The following GALNTL6 variants were observed in gnomAD, a reference collection of about 807,000 sequenced individuals.
The protein encoded by GALNTL6 is polypeptide N-acetylgalactosaminyltransferase like 6.
GALNTL6 carries 46 observed loss-of-function variants against 73.7 expected under a neutral mutation model. That is an observed-to-expected ratio of 0.62 (90% CI 0.49 to 0.80). GALNTL6 has a LOEUF of 0.80. GALNTL6 is among the 30% of genes least tolerant of loss of function. The pLI, the probability that GALNTL6 is intolerant of heterozygous loss-of-function variation, is 0.00. For synonymous variants in GALNTL6, 259 were observed against 263.7 expected, an observed-to-expected ratio of 0.98 and a Z score of 0.17; for missense variants, 604 against 755.0, an observed-to-expected ratio of 0.80 and a Z score of 2.34.
intron 2 of GALNTL6, among the ~76,000 whole-genome samples, chr4:171,913,216 C>T (rs1737523715): frequency 6.6e-6 from 1 of 152,112 alleles, no homozygotes; most frequent in Non-Finnish European, 1.5e-5. Flanking sequence ...TGGAACTGCT[C>T]AGTTGCATAA....
intron 5 of GALNTL6, among the ~76,000 whole-genome samples, chr4:172,357,513 C>G (rs1742200672): frequency 6.6e-6 from 1 of 152,002 alleles, no homozygotes; most frequent in Non-Finnish European, 1.5e-5. Flanking sequence ...AAATGTCCAG[C>G]ATTGGATTAG....
chr4:171,940,532 A>T (rs930944655), intron 2 of GALNTL6, among the ~76,000 whole-genome samples: 8 of 152,100 alleles, frequency 5.3e-5, no homozygotes, highest in African/African-American at 1.9e-4. Flanking sequence ...TTGAAAAAAG[A>T]GGTGAAGGGC....
intron 4 of GALNTL6, among the ~76,000 whole-genome samples, chr4:172,334,807 T>C (rs1741252657): frequency 6.6e-6 from 1 of 152,218 alleles, no homozygotes; most frequent in Non-Finnish European, 1.5e-5. Context: ...TTTCCTGTTC[T>C]TAAGAGGAAT....
At chr4:172,189,976 C>T (rs1035730540) in intron 2 of GALNTL6, among the ~76,000 whole-genome samples, 1 of 152,012 alleles carries the variant, frequency 6.6e-6, no homozygotes, top group African/African-American at 2.4e-5. Context: ...GAGCAACAAA[C>T]CATTATACTG....
intron 5 of GALNTL6, among the ~76,000 whole-genome samples, chr4:172,749,385 T>C (rs1478390834): frequency 6.6e-6 from 1 of 152,134 alleles, no homozygotes; most frequent in Non-Finnish European, 1.5e-5. Flanking sequence ...TCACTTAAAA[T>C]TTTTTCAGCT....
intron 2 of GALNTL6, among the ~76,000 whole-genome samples, chr4:171,998,393 C>T (rs915007719): frequency 3.9e-5 from 6 of 152,102 alleles, no homozygotes; most frequent in African/African-American, 1.4e-4. Flanking sequence ...TGTCAGACCA[C>T]TTGCTGCCTC....
intron 2 of GALNTL6, among the ~76,000 whole-genome samples, chr4:171,863,272 A>AT (rs1246474467): frequency 1.3e-5 from 2 of 152,126 alleles, no homozygotes; most frequent in Non-Finnish European, 2.9e-5. Context: ...CAATAAACAT[A>AT]TTTTTTATGA....
intron 2 of GALNTL6, among the ~76,000 whole-genome samples, chr4:171,853,666 A>C (rs1336442742): frequency 8.8e-6 from 1 of 113,702 alleles, no homozygotes; most frequent in African/African-American, 3.5e-5. Flanking sequence ...GTTGGAGTGC[A>C]GTGGTGCGAT....
chr4:173,007,961 C>CT (rs1752374436), intron 10 of GALNTL6, among the ~76,000 whole-genome samples: 1 of 152,098 alleles, frequency 6.6e-6, no homozygotes, highest in African/African-American at 2.4e-5. Context: ...AAGAATTATC[C>CT]TTTTTTCCAC....
At chr4:172,342,741 A>C (rs957540160) in intron 4 of GALNTL6, among the ~76,000 whole-genome samples, 1 of 152,216 alleles carries the variant, frequency 6.6e-6, no homozygotes, top group Admixed American at 6.5e-5. Context: ...AAGAAGGCAG[A>C]AGACTAAAAT....
intron 2 of GALNTL6, among the ~76,000 whole-genome samples, chr4:171,848,442 G>C (rs907208872): frequency 6.6e-6 from 1 of 152,160 alleles, no homozygotes; most frequent in Non-Finnish European, 1.5e-5. Context: ...TGTAACAAGA[G>C]AGTCAGCTTG....
chr4:171,983,145 A>G (rs1739958637), intron 2 of GALNTL6, among the ~76,000 whole-genome samples: 1 of 152,134 alleles, frequency 6.6e-6, no homozygotes, highest in Non-Finnish European at 1.5e-5. Flanking sequence ...AAACCCGTAT[A>G]GTTTTAGGCC....
chr4:172,556,537 T>TA (rs1239437533), intron 5 of GALNTL6, among the ~76,000 whole-genome samples: 5 of 152,146 alleles, frequency 3.3e-5, no homozygotes, highest in Middle Eastern at 3.4e-3. Flanking sequence ...CATACTTACA[T>TA]AAAAAATTAT....
At chr4:172,814,295 C>T (rs894856512) in intron 7 of GALNTL6, among the ~76,000 whole-genome samples, 4 of 152,120 alleles carry the variant, frequency 2.6e-5, no homozygotes, top group African/African-American at 9.7e-5. Context: ...ACATCCTGTA[C>T]AGAGAAGAAT....
chr4:172,630,689 C>G (rs1223062483), intron 5 of GALNTL6, among the ~76,000 whole-genome samples: 3 of 146,558 alleles, frequency 2.0e-5, no homozygotes, highest in Non-Finnish European at 3.0e-5. Context: ...ATTACTTTTC[C>G]TTTATTCCTC....
chr4:172,990,686 A>G lies in GALNTL6; in HGVS notation c.1372-18492A>G, dbSNP rs560840721. On this transcript the variant is annotated intron_variant, in intron 10 of 12. Coordinates refer to ENST00000506823, the MANE Select transcript of GALNTL6 (RefSeq NM_001034845.3). The stretch of plus-strand genomic sequence containing the variant: ...GCCGTTTGTAAAGGATCAAAACAAG[A>G]TAACAATTATCTGTGGAAAACAAAA... 8.5e-5 allele frequency among the ~76,000 whole-genome samples: 13 copies of G among 152,356 alleles called. No individual in the cohort carries two copies. In the South Asian group the frequency reaches 2.7e-3, roughly 32 times the overall value.
At position 172,974,287 on chromosome 4, in the gene GALNTL6, C is replaced by T. The variant is rs145563228; in HGVS notation, c.1371+22029C>T. Among the ~76,000 whole-genome samples, 7 of 152,136 alleles carry T rather than the reference C, an allele frequency of 4.6e-5. No homozygotes were observed. In the East Asian group the frequency reaches 5.8e-4, roughly 13 times the overall value. On this transcript the variant is annotated intron_variant, in intron 10 of 12. Transcript: ENST00000506823. ...ATGAGACAAGATGCTGTATAATAGACGAGCAGATGGCACCTTTCTGTCTAC... is the reference window on the plus strand; with the variant it reads ...ATGAGACAAGATGCTGTATAATAGATGAGCAGATGGCACCTTTCTGTCTAC...
intron 5 of GALNTL6, among the ~76,000 whole-genome samples, chr4:172,701,492 C>G (rs1387058811): frequency 6.6e-6 from 1 of 152,088 alleles, no homozygotes; most frequent in Non-Finnish European, 1.5e-5. Context: ...TTCCTTGAGT[C>G]TTGCCATCAA....
chr4:172,262,125 T>C (rs1024474217), intron 3 of GALNTL6, among the ~76,000 whole-genome samples: 2 of 151,530 alleles, frequency 1.3e-5, no homozygotes, highest in African/African-American at 4.8e-5. Context: ...TTGGATAGAA[T>C]GTTCTGTAAA....
Sources: gnomAD v4.1 joint callset for allele counts (sites outside exome capture counted in the v4.1 genomes callset) on GRCh38, gnomAD v4.1.1 for gene constraint, MANE v1.5 for transcripts, NCBI Gene and HGNC (gene_info 2026-07-23, HGNC 2026-07-21) for gene names.